Variants in SAMD5 observed in about 807,000 individuals in gnomAD.
SAMD5 encodes sterile alpha motif domain-containing protein 5.
Under a neutral mutation model 11.3 loss-of-function variants are expected in SAMD5, and 13 were observed. That is an observed-to-expected ratio of 1.15 (90% CI 0.75 to 1.83). SAMD5 has a LOEUF of 1.83. Among genes scored for constraint, SAMD5 ranks in the 40% most tolerant of loss-of-function variants. SAMD5 has a pLI of 0.00. For missense variants in SAMD5, 255 were observed against 239.1 expected, an observed-to-expected ratio of 1.07 and a Z score of -0.44; for synonymous variants, 129 against 111.3, an observed-to-expected ratio of 1.16 and a Z score of -1.00.
chr6:147,630,196 G>A (rs1157308016), intron 1 of SAMD5, among the ~76,000 whole-genome samples: 3 of 151,940 alleles, frequency 2.0e-5, no homozygotes, highest in East Asian at 1.9e-4. Context: ...TGATCTGCCC[G>A]CCTCAGCTTC....
At chr6:147,800,345 G>T in the SAMD5 span, among the ~76,000 whole-genome samples, 3 of 152,166 alleles carry the variant, frequency 2.0e-5, no homozygotes, top group Non-Finnish European at 4.4e-5. Context: ...GTGTCAGTGT[G>T]CCCCTGCTGG....
chr6:147,539,099 A>G (rs1249998451), intron 1 of SAMD5, among the ~76,000 whole-genome samples: 1 of 152,232 alleles, frequency 6.6e-6, no homozygotes, highest in African/African-American at 2.4e-5. Flanking sequence ...CCAAAGAAGC[A>G]GCAAGTAAGC....
At chr6:147,526,311 A>G (rs762982020) in intron 1 of SAMD5, among the ~76,000 whole-genome samples, 4 of 152,268 alleles carry the variant, frequency 2.6e-5, no homozygotes, top group Non-Finnish European at 4.4e-5. Flanking sequence ...GAGCACCAAG[A>G]ATGTGCAAAG....
At chr6:147,515,193 T>G (rs1788147515) in intron 1 of SAMD5, among the ~76,000 whole-genome samples, 1 of 141,526 alleles carries the variant, frequency 7.1e-6, no homozygotes, top group Non-Finnish European at 1.5e-5. Context: ...TTTTTTTTTT[T>G]TTTTTTTTTT....
At chr6:147,865,398 G>A in the SAMD5 span, among the ~76,000 whole-genome samples, 8 of 151,610 alleles carry the variant, frequency 5.3e-5, no homozygotes, top group Non-Finnish European at 1.0e-4. Context: ...GCAAAGAAAA[G>A]GGGAAAAAAA....
the SAMD5 span, among the ~76,000 whole-genome samples, chr6:147,799,175 A>G: frequency 8.6e-5 from 13 of 151,726 alleles, no homozygotes; most frequent in Non-Finnish European, 1.8e-4. Flanking sequence ...GATGGTCTTT[A>G]CATTTTGGCA....
intron 1 of SAMD5, among the ~76,000 whole-genome samples, chr6:147,691,942 C>T (rs899505527): frequency 5.3e-5 from 8 of 151,044 alleles, no homozygotes; most frequent in African/African-American, 1.7e-4. Flanking sequence ...GTTACAGCCT[C>T]ATTGGCCTTC....
chr6:147,521,380 TC>T (rs1788250440), intron 1 of SAMD5, among the ~76,000 whole-genome samples: 1 of 152,110 alleles, frequency 6.6e-6, no homozygotes, highest in Non-Finnish European at 1.5e-5. Flanking sequence ...CACATATTTT[TC>T]CCAAACATAA....
intron 1 of SAMD5, among the ~76,000 whole-genome samples, chr6:147,701,221 C>T (rs1245709514): frequency 6.6e-6 from 1 of 152,118 alleles, no homozygotes. Context: ...TAGATATTTG[C>T]AAGCACTGTA....
chr6:147,705,918 G>GAT (rs1328877506), intron 1 of SAMD5, among the ~76,000 whole-genome samples: 1 of 152,124 alleles, frequency 6.6e-6, no homozygotes, highest in African/African-American at 2.4e-5. Context: ...CCATTGTTAG[G>GAT]CCTTTTAGTG....
intron 1 of SAMD5, among the ~76,000 whole-genome samples, chr6:147,625,114 A>T (rs748955861): frequency 6.6e-6 from 1 of 152,102 alleles, no homozygotes; most frequent in Non-Finnish European, 1.5e-5. Context: ...TGTGGTTTGT[A>T]TGTGGGGTTC....
chr6:147,935,518 T>C, the SAMD5 span, among the ~76,000 whole-genome samples: 1 of 152,208 alleles, frequency 6.6e-6, no homozygotes, highest in Non-Finnish European at 1.5e-5. Flanking sequence ...CTACAGAATA[T>C]AATTCACACT....
intron 1 of SAMD5, among the ~76,000 whole-genome samples, chr6:147,678,055 G>A (rs1790890207): frequency 6.6e-6 from 1 of 152,138 alleles, no homozygotes; most frequent in South Asian, 2.1e-4. Flanking sequence ...GCAGGATAAT[G>A]TGTAATTTAT....
intron 1 of SAMD5, among the ~76,000 whole-genome samples, chr6:147,613,994 G>A (rs1789828320): frequency 6.6e-6 from 1 of 151,936 alleles, no homozygotes; most frequent in Non-Finnish European, 1.5e-5. Context: ...CACACCACAG[G>A]TGGCAAAATG....
chr6:147,755,187 A>G, the SAMD5 span, among the ~76,000 whole-genome samples: 54 of 152,212 alleles, frequency 3.5e-4, no homozygotes, highest in Non-Finnish European at 6.9e-4. Flanking sequence ...CTTCCAATTC[A>G]TGAACATGGA....
the SAMD5 span, among the ~76,000 whole-genome samples, chr6:147,935,707 G>A: frequency 6.6e-6 from 1 of 152,268 alleles, no homozygotes; most frequent in South Asian, 2.1e-4. Context: ...AATGAACTGT[G>A]ATGTCAACTG....
At chr6:147,723,823 T>C (rs1791588456) in intron 1 of SAMD5, among the ~76,000 whole-genome samples, 1 of 152,206 alleles carries the variant, frequency 6.6e-6, no homozygotes, top group African/African-American at 2.4e-5. Context: ...GGACTTTGGC[T>C]CTCTGATGGA....
chr6:147,925,050 G>A, the SAMD5 span, among the ~76,000 whole-genome samples: 1 of 152,090 alleles, frequency 6.6e-6, no homozygotes. Flanking sequence ...CACTTGGCAG[G>A]GAATAAAGTT....
At chr6:147,632,937 C>T (rs1210513618) in intron 1 of SAMD5, among the ~76,000 whole-genome samples, 3 of 152,022 alleles carry the variant, frequency 2.0e-5, no homozygotes, top group Non-Finnish European at 4.4e-5. Flanking sequence ...GCCTTTGCAC[C>T]TTCTTAACCT....
Sources: allele counts gnomAD v4.1 joint callset (sites outside exome capture counted in the v4.1 genomes callset), GRCh38; gene constraint gnomAD v4.1.1; transcripts MANE v1.5; gene names NCBI Gene and HGNC (gene_info 2026-07-23, HGNC 2026-07-21).